The following FAM193A variants were observed in gnomAD, a reference collection of about 807,000 sequenced individuals.
The protein encoded by FAM193A is family with sequence similarity 193 member A.
FAM193A carries 22 observed loss-of-function variants against 126.5 expected under a neutral mutation model. The ratio of observed to expected loss-of-function variants is 0.17; its 90% CI spans 0.12 to 0.25. The LOEUF (loss-of-function observed/expected upper bound fraction) is 0.25, where lower values mean the gene tolerates loss of function less well. FAM193A is among the 10% of genes least tolerant of loss of function. The pLI is 1.00. For synonymous variants in FAM193A, 761 were observed against 646.8 expected (o/e 1.18, Z -2.68); for missense variants, 1,675 against 1,672.8 (o/e 1.00, Z -0.02).
intron 7 of FAM193A, among the ~76,000 whole-genome samples, chr4:2,649,149 G>C (rs1251734522): frequency 6.6e-6 from 1 of 152,182 alleles, no homozygotes; most frequent in African/African-American, 2.4e-5. Context: ...TAAGGTGGGA[G>C]GATCACTTGA....
At chr4:2,560,547 G>A (rs182758337) in intron 1 of FAM193A, among the ~76,000 whole-genome samples, 6 of 152,250 alleles carry the variant, frequency 3.9e-5, no homozygotes, top group East Asian at 1.9e-4. Context: ...TCTTTGGGAC[G>A]TCTTTTGTCT....
intron 12 of FAM193A, among the ~76,000 whole-genome samples, chr4:2,665,511 CCTTT>C (rs1355454378): frequency 6.6e-6 from 1 of 152,072 alleles, no homozygotes; most frequent in Non-Finnish European, 1.5e-5. Flanking sequence ...TTCTTTCCTT[CCTTT>C]CTTCTTTTTA....
intron 16 of FAM193A, among the ~76,000 whole-genome samples, chr4:2,694,154 T>A (rs1716763009): frequency 6.6e-6 from 1 of 152,240 alleles, no homozygotes; most frequent in Non-Finnish European, 1.5e-5. Flanking sequence ...CATTGTTTTT[T>A]ACTCATTGTA....
chr4:2,722,636 A>G (rs1720287999), intron 20 of FAM193A, among the ~76,000 whole-genome samples: 1 of 152,174 alleles, frequency 6.6e-6, no homozygotes, highest in Non-Finnish European at 1.5e-5. Context: ...ATTCTGGGAG[A>G]TGACACAGTC....
At chr4:2,701,284 CA>C (rs60538223) in intron 19 of FAM193A, among the ~76,000 whole-genome samples, 5,350 of 95,922 alleles carry the variant, frequency 0.056, 220 homozygotes, top group African/African-American at 0.16. Context: ...TCCTTTATAG[CA>C]AAAAAAAAAA....
At chr4:2,559,566 G>A (rs1322138411) in intron 1 of FAM193A, among the ~76,000 whole-genome samples, 2 of 152,156 alleles carry the variant, frequency 1.3e-5, no homozygotes, top group African/African-American at 4.8e-5. Context: ...AAAGTGCTGG[G>A]ATTACAGGCG....
chr4:2,572,644 G>T (rs1739359459), intron 1 of FAM193A, among the ~76,000 whole-genome samples: 1 of 152,130 alleles, frequency 6.6e-6, no homozygotes, highest in Non-Finnish European at 1.5e-5. Flanking sequence ...CATGTTGCTG[G>T]TAGCTGGACA....
At chr4:2,549,395 C>CTTTTTTTTT (rs869161808) in intron 1 of FAM193A, among the ~76,000 whole-genome samples, 354 of 122,636 alleles carry the variant, frequency 2.9e-3, no homozygotes, top group African/African-American at 5.0e-3. Flanking sequence ...TTCTTTTTTT[C>CTTTTTTTTT]TTTTTTTTTT....
chr4:2,727,689 A>G (rs1185338669), intron 20 of FAM193A, among the ~76,000 whole-genome samples: 1 of 152,238 alleles, frequency 6.6e-6, no homozygotes, highest in Admixed American at 6.5e-5. Flanking sequence ...CTGAAGACAG[A>G]GTGCAGGGGC....
intron 20 of FAM193A, among the ~76,000 whole-genome samples, chr4:2,717,754 GAAAA>G (rs33968148): frequency 2.2e-5 from 3 of 137,116 alleles, no homozygotes; most frequent in Non-Finnish European, 4.7e-5. Context: ...GACCCTGTCT[GAAAA>G]AAAAAAAAAA....
At chr4:2,561,901 T>A (rs968814806) in intron 1 of FAM193A, among the ~76,000 whole-genome samples, 4 of 152,178 alleles carry the variant, frequency 2.6e-5, no homozygotes, top group African/African-American at 9.7e-5. Context: ...TAGCTGTGGC[T>A]TGTGAACTCA....
intron 1 of FAM193A, among the ~76,000 whole-genome samples, chr4:2,589,089 C>T (rs1326751473): frequency 6.6e-6 from 1 of 152,104 alleles, no homozygotes; most frequent in Non-Finnish European, 1.5e-5. Flanking sequence ...GAGGCTGGCT[C>T]AGATATTTGT....
At chr4:2,660,101 A>C (rs1433080941) in intron 10 of FAM193A, 47 bp downstream of exon 10, 1 of 1,592,228 alleles carries the variant, frequency 6.3e-7, no homozygotes, top group South Asian at 1.1e-5. Flanking sequence ...AAGTCGCCCC[A>C]GTAATGAGAA....
intron 12 of FAM193A, among the ~76,000 whole-genome samples, chr4:2,664,432 C>G (rs1469791635): frequency 6.6e-6 from 1 of 151,818 alleles, no homozygotes; most frequent in Non-Finnish European, 1.5e-5. Context: ...CCATTCTGTT[C>G]ATTTGATCTC....
chr4:2,590,982 G>C (rs1220657321), intron 1 of FAM193A, among the ~76,000 whole-genome samples: 1 of 151,460 alleles, frequency 6.6e-6, no homozygotes, highest in Non-Finnish European at 1.5e-5. Flanking sequence ...AGCCGAGATC[G>C]TGCCACTACA....
intron 1 of FAM193A, among the ~76,000 whole-genome samples, chr4:2,543,622 T>C (rs538797798): frequency 1.1e-3 from 169 of 151,836 alleles, no homozygotes; most frequent in African/African-American, 4.0e-3. Context: ...TTTGGGAGGC[T>C]GAGGTGGGCA....
At chr4:2,561,725 G>T (rs1738627578) in intron 1 of FAM193A, among the ~76,000 whole-genome samples, 1 of 151,912 alleles carries the variant, frequency 6.6e-6, no homozygotes, top group East Asian at 1.9e-4. Context: ...TCGAACTCCT[G>T]ATCTCAAGTG....
chr4:2,685,219 G>T, intron 13 of FAM193A, among the ~76,000 whole-genome samples: 1 of 152,166 alleles, frequency 6.6e-6, no homozygotes, highest in East Asian at 1.9e-4. Flanking sequence ...GTGACGTGGT[G>T]TAAGGGGAGG....
chr4:2,569,493 A>T (rs1265129644), intron 1 of FAM193A, among the ~76,000 whole-genome samples: 2 of 152,106 alleles, frequency 1.3e-5, no homozygotes, highest in African/African-American at 2.4e-5. Flanking sequence ...TGCCATTTTT[A>T]TTATTATTAA....
Sources: gnomAD v4.1 joint callset for allele counts (sites outside exome capture counted in the v4.1 genomes callset) on GRCh38, gnomAD v4.1.1 for gene constraint, MANE v1.5 for transcripts, NCBI Gene and HGNC (gene_info 2026-07-23, HGNC 2026-07-21) for gene names.